STIM2: variants seen among roughly 807,000 people sequenced by gnomAD.
STIM2 encodes the protein stromal interaction molecule 2.
Under a neutral mutation model 85.8 loss-of-function variants are expected in STIM2, and 31 were observed. The observed-to-expected ratio is 0.36, with a 90% CI of 0.27 to 0.49. The LOEUF (loss-of-function observed/expected upper bound fraction) is 0.49. Ranked by LOEUF, STIM2 falls within the 20% of genes least tolerant of loss-of-function variation. STIM2 has a pLI of 0.98. For missense variants in STIM2, 841 were observed against 927.6 expected, an observed-to-expected ratio of 0.91 and a Z score of 1.21; for synonymous variants, 356 against 331.1, an observed-to-expected ratio of 1.08 and a Z score of -0.82.
At chr4:26,911,215 C>T (rs551591918) in intron 1 of STIM2, among the ~76,000 whole-genome samples, 6 of 148,614 alleles carry the variant, frequency 4.0e-5, no homozygotes, top group Non-Finnish European at 5.9e-5. Flanking sequence ...CTAGCCTGGG[C>T]GACAGTGTGT....
chr4:26,958,642 A>G (rs1726335504), intron 3 of STIM2, among the ~76,000 whole-genome samples: 1 of 152,130 alleles, frequency 6.6e-6, no homozygotes, highest in Non-Finnish European at 1.5e-5. Context: ...TGGGGAAGAA[A>G]GAAGAAAACA....
intron 10 of STIM2, among the ~76,000 whole-genome samples, chr4:27,009,838 C>T (rs1728500099): frequency 1.3e-5 from 2 of 152,334 alleles, no homozygotes; most frequent in African/African-American, 2.4e-5. Context: ...CCAAATGCAA[C>T]ACTGATTCAT....
chr4:26,891,595 A>ACACC (rs1320268859), intron 1 of STIM2, among the ~76,000 whole-genome samples: 1 of 129,396 alleles, frequency 7.7e-6, no homozygotes, highest in Admixed American at 7.8e-5. Context: ...ACACACACAC[A>ACACC]CACCCCCTTT....
intron 1 of STIM2, among the ~76,000 whole-genome samples, chr4:26,862,004 T>C (rs1291631849): frequency 6.6e-6 from 1 of 152,202 alleles, no homozygotes; most frequent in Non-Finnish European, 1.5e-5. Flanking sequence ...GGAGCATCAC[T>C]GGGTGACAAA....
intron 3 of STIM2, among the ~76,000 whole-genome samples, chr4:26,967,772 T>G (rs1350990356): frequency 6.6e-6 from 1 of 152,176 alleles, no homozygotes; most frequent in Non-Finnish European, 1.5e-5. Context: ...CTCTTTGCAT[T>G]GTATGCATCT....
chr4:26,916,375 G>A (rs963932614), intron 1 of STIM2, among the ~76,000 whole-genome samples: 4 of 152,088 alleles, frequency 2.6e-5, no homozygotes, highest in Admixed American at 1.3e-4. Context: ...ATCATCTACC[G>A]TTTCTGTTCC....
chr4:27,014,834 TACTAAGTTATATTGGTGAA>T (rs1255855897), intron 10 of STIM2, among the ~76,000 whole-genome samples: 7 of 151,956 alleles, frequency 4.6e-5, no homozygotes, highest in Admixed American at 3.3e-4. Context: ...ATATAATTTG[TACTAAGTTATATTGGTGAA>T]TACAAGTTCA....
chr4:26,927,844 A>T (rs909911991), intron 2 of STIM2, among the ~76,000 whole-genome samples: 1 of 135,792 alleles, frequency 7.4e-6, no homozygotes, highest in East Asian at 2.0e-4. Flanking sequence ...TATAAATTAT[A>T]TATTAATATA....
At chr4:26,900,480 G>T (rs996557459) in intron 1 of STIM2, among the ~76,000 whole-genome samples, 3 of 152,112 alleles carry the variant, frequency 2.0e-5, no homozygotes, top group African/African-American at 7.2e-5. Flanking sequence ...GACAAAGAGA[G>T]CCTTGTTACA....
intron 3 of STIM2, among the ~76,000 whole-genome samples, chr4:26,985,814 A>C (rs1371364850): frequency 6.6e-6 from 1 of 152,246 alleles, no homozygotes; most frequent in Non-Finnish European, 1.5e-5. Flanking sequence ...TTAACAAGCC[A>C]GTTGCTTTCT....
chr4:26,885,859 ATATATATATATATATG>A lies in STIM2; in HGVS notation c.151+24496_151+24511del, dbSNP rs1184308090. Among the ~76,000 whole-genome samples, 54 of 89,428 alleles carry A rather than the reference ATATATATATATATATG, an allele frequency of 6.0e-4. 1 individual carries two copies. Among genetic ancestry groups the A allele is most frequent in the African/African-American group, 2.2e-3 (51 of 23,614 alleles). 58.7% of individuals were successfully genotyped at this position (89,428 alleles called of 152,430 possible). A position where few individuals can be genotyped will look rare whatever the true frequency, so the allele number is the denominator to read the frequency against. ...TATATATATATATATATATATATATATATATATATATATATGTATATGTCTATTCATGTAAATATGC... is the reference window on the plus strand; with the variant it reads ...TATATATATATATATATATATATATATATATGTCTATTCATGTAAATATGC... On this transcript the variant is annotated intron_variant, in intron 1 of 11. Coordinates refer to ENST00000467087, the MANE Select transcript of STIM2 (RefSeq NM_020860.4).
chr4:26,964,950 C>T (rs16878656), intron 3 of STIM2, among the ~76,000 whole-genome samples: 2,925 of 152,198 alleles, frequency 0.019, 101 homozygotes, highest in African/African-American at 0.067. Context: ...CAGTGAGAGA[C>T]GCTGTGCTAG....
intron 7 of STIM2, among the ~76,000 whole-genome samples, 189 bp from the exon 8 acceptor site, chr4:27,007,344 T>C (rs1445499379): frequency 2.0e-5 from 3 of 151,618 alleles, no homozygotes; most frequent in African/African-American, 7.3e-5. Context: ...AGACGGAGTC[T>C]CGCTCTGTTG....
chr4:26,919,493 T>C lies in STIM2; in HGVS notation c.152-11T>C. On this transcript the variant is annotated splice_polypyrimidine_tract_variant and intron_variant, in intron 1 of 11. Transcript: ENST00000467087. ...ATGGCAAGTTAGTAATTGCCCTTTG[T>C]TCTCTTTCAGATCCCTGCATGTCAC... The C allele has an allele frequency of 6.2e-7, 1 of 1,613,138 alleles. No homozygotes were observed. Among genetic ancestry groups the C allele is most frequent in the Non-Finnish European group, 8.5e-7 (1 of 1,179,578 alleles).
At chr4:26,928,731 A>T (rs113756224) in intron 2 of STIM2, among the ~76,000 whole-genome samples, 5,592 of 152,254 alleles carry the variant, frequency 0.037, 143 homozygotes, top group South Asian at 0.078. Context: ...TTAAGCATAC[A>T]TGGCTGTGTA....
chr4:26,930,377 TTGAA>T (rs1203971773), intron 2 of STIM2, among the ~76,000 whole-genome samples: 2 of 152,224 alleles, frequency 1.3e-5, no homozygotes, highest in Non-Finnish European at 2.9e-5. Context: ...CTCTTTTTCT[TTGAA>T]TGAACATTTT....
At chr4:26,883,746 G>A (rs1723109026) in intron 1 of STIM2, among the ~76,000 whole-genome samples, 1 of 152,164 alleles carries the variant, frequency 6.6e-6, no homozygotes, top group Non-Finnish European at 1.5e-5. Flanking sequence ...CTTTGAAGGA[G>A]ACTTAATGCT....
At chr4:26,902,595 T>A (rs1042328532) in intron 1 of STIM2, among the ~76,000 whole-genome samples, 1 of 152,190 alleles carries the variant, frequency 6.6e-6, no homozygotes, top group African/African-American at 2.4e-5. Flanking sequence ...TACTTTGAAA[T>A]GATCAGCACT....
chr4:26,990,327 A>C (rs766180761), intron 3 of STIM2, among the ~76,000 whole-genome samples: 1 of 152,170 alleles, frequency 6.6e-6, no homozygotes, highest in South Asian at 2.1e-4. Flanking sequence ...CTCATTTTCA[A>C]CAAAGGCACC....
Sources: gnomAD v4.1 joint callset for allele counts (sites outside exome capture counted in the v4.1 genomes callset) on GRCh38, gnomAD v4.1.1 for gene constraint, MANE v1.5 for transcripts, NCBI Gene and HGNC (gene_info 2026-07-23, HGNC 2026-07-21) for gene names.